Variants in DNAJB11 observed in about 807,000 individuals in gnomAD.
DNAJB11 encodes the protein DnaJ heat shock protein family (Hsp40) member B11, also known as dnaJ homolog subfamily B member 11.
Under a neutral mutation model 47.2 loss-of-function variants are expected in DNAJB11, and 30 were observed. The observed-to-expected ratio is 0.64, with a 90% confidence interval of 0.48 to 0.86. The LOEUF (loss-of-function observed/expected upper bound fraction) is 0.86, where lower values mean the gene tolerates loss of function less well. Among genes scored for constraint, DNAJB11 ranks in the 40% least tolerant of loss-of-function variants. The pLI is 0.00. For missense variants in DNAJB11, 357 were observed against 440.2 expected (o/e 0.81, Z 1.69); for synonymous variants, 151 against 159.9 (o/e 0.94, Z 0.42).
At chr3:186,574,811 C>T (rs1190397864) in intron 2 of DNAJB11, among the ~76,000 whole-genome samples, 7 of 152,202 alleles carry the variant, frequency 4.6e-5, no homozygotes, top group Non-Finnish European at 7.3e-5. Context: ...CTTTGAACCT[C>T]TCTTTTTCTG....
chr3:186,582,186 C>A, intron 6 of DNAJB11, 109 bp downstream of exon 6: 1 of 822,850 alleles, frequency 1.2e-6, no homozygotes, highest in Non-Finnish European at 2.0e-6. Flanking sequence ...ACATAGTAAA[C>A]GCATATATAA....
intron 2 of DNAJB11, 87 bp downstream of exon 2, chr3:186,572,338 CATTT>C (rs6148229): frequency 8.9e-4 from 873 of 986,408 alleles, no homozygotes; most frequent in South Asian, 1.4e-3. Context: ...TTTCAGCTCA[CATTT>C]ATTTATTTAT....
intron 2 of DNAJB11, among the ~76,000 whole-genome samples, chr3:186,575,131 C>G (rs1362357431): frequency 1.3e-5 from 2 of 152,096 alleles, no homozygotes; most frequent in Non-Finnish European, 2.9e-5. Context: ...TGAAATTGAC[C>G]TTGAATAACC....
intron 2 of DNAJB11, among the ~76,000 whole-genome samples, chr3:186,573,218 A>G (rs188886536): frequency 3.0e-4 from 45 of 152,318 alleles, no homozygotes; most frequent in Admixed American, 2.6e-3. Context: ...CTAAAAACAA[A>G]TTGAAAAATA....
chr3:186,574,836 T>C (rs1018792305), intron 2 of DNAJB11, among the ~76,000 whole-genome samples: 2 of 152,226 alleles, frequency 1.3e-5, no homozygotes, highest in Non-Finnish European at 2.9e-5. Context: ...ACCATGAGTG[T>C]GGTTTTGAAA....
chr3:186,581,137 C>G (rs1715469427), intron 4 of DNAJB11: 1 of 443,648 alleles, frequency 2.3e-6, no homozygotes, highest in African/African-American at 2.0e-5. Context: ...TTACTCCCGT[C>G]TCTACTTCTC....
chr3:186,577,937 T>A, intron 4 of DNAJB11, 137 bp downstream of exon 4: 1 of 674,140 alleles, frequency 1.5e-6, no homozygotes, highest in Non-Finnish European at 2.4e-6. Context: ...TTGAATTAAT[T>A]ATAATGCTTG....
chr3:186,571,037 G>GGGGGGGGGGGGT, intron 1 of DNAJB11, 72 bp downstream of exon 1: 5 of 940,398 alleles, frequency 5.3e-6, no homozygotes, highest in Admixed American at 2.7e-5. Context: ...GGGGGTGGGG[G>GGGGGGGGGGGGT]AAGTGGCATT....
chr3:186,571,365 G>A (rs1024644970), intron 1 of DNAJB11, among the ~76,000 whole-genome samples: 2 of 152,206 alleles, frequency 1.3e-5, no homozygotes, highest in Admixed American at 6.5e-5. Context: ...AGGTTGAGGG[G>A]ATGGACGTTT....
At chr3:186,571,240 G>C (rs1348910514) in intron 1 of DNAJB11, among the ~76,000 whole-genome samples, 1 of 152,290 alleles carries the variant, frequency 6.6e-6, no homozygotes, top group African/African-American at 2.4e-5. Flanking sequence ...ATTGCCAAAC[G>C]GCATTTGGGG....
At chr3:186,584,099 G>A (rs1033475151) in intron 8 of DNAJB11, 123 bp downstream of exon 8, 19 of 735,324 alleles carry the variant, frequency 2.6e-5, no homozygotes, top group Non-Finnish European at 3.3e-5. Context: ...GTATTCTGCC[G>A]TCTGTACTTA....
intron 1 of DNAJB11, 57 bp downstream of exon 1, chr3:186,571,022 T>TGGGTTTGGGGGGGGGGG: frequency 4.8e-6 from 1 of 208,314 alleles, no homozygotes; most frequent in Non-Finnish European, 9.4e-6. Context: ...TGCTGGGGGG[T>TGGGTTTGGGGGGGGGGG]GGGAGGGGGT....
chr3:186,582,688 A>G (rs1394451000), intron 6 of DNAJB11, 28 bp from the exon 7 acceptor site: 1 of 1,561,978 alleles, frequency 6.4e-7, no homozygotes, highest in East Asian at 2.3e-5. Context: ...TGTATGATTT[A>G]CAATATGCTG....
At chr3:186,579,868 T>C (rs1359882652) in intron 4 of DNAJB11, 1 of 152,234 alleles carries the variant, frequency 6.6e-6, no homozygotes, top group Non-Finnish European at 1.5e-5. Flanking sequence ...CTGGAATCCA[T>C]GTTTTCTTGT....
chr3:186,584,116 T>G (rs960503448), intron 8 of DNAJB11, 140 bp downstream of exon 8: 1 of 683,118 alleles, frequency 1.5e-6, no homozygotes, highest in African/African-American at 1.8e-5. Context: ...CTTACTCTGC[T>G]GCTGAGCATA....
At chr3:186,584,097 C>A in intron 8 of DNAJB11, 121 bp downstream of exon 8, 1 of 740,236 alleles carries the variant, frequency 1.4e-6, no homozygotes, top group East Asian at 2.6e-5. Flanking sequence ...TCGTATTCTG[C>A]CGTCTGTACT....
At chr3:186,579,527 T>C (rs1427110074) in intron 4 of DNAJB11, 1 of 152,258 alleles carries the variant, frequency 6.6e-6, no homozygotes, top group Non-Finnish European at 1.5e-5. Flanking sequence ...GTCTAATCTT[T>C]TTTTAAGCAA....
intron 1 of DNAJB11, among the ~76,000 whole-genome samples, chr3:186,571,303 G>A (rs995026583): frequency 6.6e-6 from 1 of 152,210 alleles, no homozygotes; most frequent in Non-Finnish European, 1.5e-5. Flanking sequence ...TAGAGCTGGG[G>A]AAGAAAGAGG....
chr3:186,570,928 C>G lies in DNAJB11; in HGVS notation c.31C>G (p.Leu11Val), dbSNP rs770056805. Residue 11 changes from leucine (L) to valine (V), a missense_variant, in exon 1 of 10, where the codon CTG (leucine) becomes GTG (valine). By Grantham distance (32) the Leu-to-Val change is conservative (BLOSUM62 1). Coordinates refer to ENST00000265028, the MANE Select transcript of DNAJB11 (RefSeq NM_016306.6). ...TCCGCAGAACCTGAGCACCTTTTGC[C>G]TGTTGCTGCTATACCTCATCGGGGC... MAPQNLSTFC[L>V]LLLYLIGAVI... 8 of 1,586,740 alleles carry G rather than the reference C, an allele frequency of 5.0e-6. No individual in the cohort carries two copies. The highest frequency in any genetic ancestry group is 6.9e-6 in the Non-Finnish European group (8 of 1,164,376).
Sources: allele counts gnomAD v4.1 joint callset (sites outside exome capture counted in the v4.1 genomes callset), GRCh38; gene constraint gnomAD v4.1.1; transcripts MANE v1.5; gene names NCBI Gene and HGNC (gene_info 2026-07-23, HGNC 2026-07-21).